CUBN: variants seen among roughly 807,000 people sequenced by gnomAD.
The protein encoded by CUBN is cubilin, also known as 460 kDa receptor.
Under a neutral mutation model 405.3 loss-of-function variants are expected in CUBN, and 282 were observed. The ratio of observed to expected loss-of-function variants is 0.70; its 90% CI spans 0.63 to 0.77. The LOEUF (loss-of-function observed/expected upper bound fraction) is 0.77, where lower values mean the gene tolerates loss of function less well. CUBN is among the 30% of genes least tolerant of loss of function. The probability of loss-of-function intolerance (pLI) is 0.00; values close to 1 mark genes in which losing one functional copy is unlikely to be tolerated. For synonymous variants in CUBN, 1,684 were observed against 1,617.0 expected, an observed-to-expected ratio of 1.04 and a Z score of -0.99; for missense variants, 4,514 against 4,475.2, an observed-to-expected ratio of 1.01 and a Z score of -0.25.
intron 29 of CUBN, among the ~76,000 whole-genome samples, chr10:16,985,807 A>G (rs1231229686): frequency 6.6e-6 from 1 of 152,212 alleles, no homozygotes; most frequent in Admixed American, 6.5e-5. Context: ...TTCTAGATCT[A>G]TCACACATGA....
chr10:16,896,192 A>G (rs1179676599), intron 54 of CUBN, among the ~76,000 whole-genome samples: 1 of 152,198 alleles, frequency 6.6e-6, no homozygotes, highest in African/African-American at 2.4e-5. Flanking sequence ...GTTTTATTAA[A>G]TATGATTCAC....
intron 54 of CUBN, among the ~76,000 whole-genome samples, chr10:16,895,253 G>C (rs1223603077): frequency 6.6e-6 from 1 of 151,986 alleles, no homozygotes; most frequent in African/African-American, 2.4e-5. Flanking sequence ...CTCAGGATAT[G>C]ATCTACCTTG....
At chr10:17,090,097 A>G (rs1453472150) in intron 14 of CUBN, among the ~76,000 whole-genome samples, 1 of 152,118 alleles carries the variant, frequency 6.6e-6, no homozygotes, top group Non-Finnish European at 1.5e-5. Context: ...ATAAAAAACA[A>G]AAGACTAAAA....
chr10:16,840,509 T>A lies in CUBN; in HGVS notation c.9853A>T (p.Thr3285Ser). Residue 3285 changes from threonine to serine, a missense_variant, in exon 62 of 67, where the codon ACT becomes TCT. By Grantham distance (58) the Thr-to-Ser change is moderately conservative. This residue lies in a region of CUBN where 1,186 missense variants were observed against 1,186.9 expected (regional missense o/e 1.00). Transcript: ENST00000377833. ...GATGAAATATTTTGTGGGGTCCAAGTTGCATTGTATGTTCCACCACAAGGC... is the reference window on the plus strand; with the variant it reads ...GATGAAATATTTTGTGGGGTCCAAGATGCATTGTATGTTCCACCACAAGGC... Reference protein sequence around the residue: ...DMPCGGTYNATWTPQNISSPN... With the variant: ...DMPCGGTYNASWTPQNISSPN... 10 of 1,608,428 alleles carry A rather than the reference T, an allele frequency of 6.2e-6. No individual in the cohort carries two copies. Among genetic ancestry groups the A allele is most frequent in the Non-Finnish European group, 8.5e-6 (10 of 1,176,956 alleles).
chr10:17,059,237 A>AT (rs1256748225), intron 22 of CUBN, among the ~76,000 whole-genome samples: 3 of 152,106 alleles, frequency 2.0e-5, no homozygotes, highest in Non-Finnish European at 4.4e-5. Flanking sequence ...TTCACTAAAC[A>AT]TTTTCAAATA....
At position 16,907,649 on chromosome 10, in the gene CUBN, G is replaced by A. The variant is rs368507887; in HGVS notation, c.7564C>T (p.Gln2522Ter). 1 of 1,612,226 alleles carries A rather than the reference G, an allele frequency of 6.2e-7. No individual in the cohort carries two copies. Among genetic ancestry groups the A allele is most frequent in the Non-Finnish European group, 8.5e-7 (1 of 1,179,962 alleles). The stretch of plus-strand genomic sequence containing the variant: ...ACACTACTACACAGTTTCTCTAGCT[G>A]GGGTGAGTTACTTCTAATGCCATTG... Reference protein sequence around the residue: ...VFNGIRSNSPQLEKLCSSVNV... With the variant: ...VFNGIRSNSP The change falls in exon 49 of 67, where the codon CAG becomes TAG. Residue 2522 changes from glutamine (Q) to a stop codon, truncating the protein, a stop_gained. Transcript: ENST00000377833. LOFTEE classifies it high-confidence loss of function.
rs142159836 is a variant in CUBN, at chr10:17,123,686, C to T, written c.391G>A (p.Val131Ile). Residue 131 changes from valine (V) to isoleucine (I), a missense_variant, in exon 5 of 67, where the codon GTT becomes ATT. Val to Ile is a conservative substitution (Grantham distance 29). Transcript: ENST00000377833. ...ERKFQGLQQT[V>I]DKKVCSSNPC... ...TTGCTGCTGCAAACCTTTTTGTCAA[C>T]AGTCTGAAACAAAAACAGGACAGTC... is the stretch of plus-strand genomic sequence containing the variant. 6.2e-7 allele frequency: 1 copy of T among 1,612,196 alleles called. No individual in the cohort carries two copies.
At chr10:16,914,689 T>G (rs1841832804) in intron 47 of CUBN, among the ~76,000 whole-genome samples, 1 of 150,602 alleles carries the variant, frequency 6.6e-6, no homozygotes, top group Non-Finnish European at 1.5e-5. Context: ...AATCAGAAAG[T>G]TAATGTTAAG....
At position 17,013,735 on chromosome 10, in the gene CUBN, C is replaced by T. The variant is rs557309945; in HGVS notation, c.4168+6098G>A. ...TTTTCCCTTTCCCAGTTCTAAGGCT[C>T]GAGTAAGTGCCACTAGTTCTGCTAA... is the stretch of plus-strand genomic sequence containing the variant. On this transcript the variant is annotated intron_variant, in intron 28 of 66. Coordinates refer to ENST00000377833, the MANE Select transcript of CUBN (RefSeq NM_001081.4). Among the ~76,000 whole-genome samples the T allele has an allele frequency of 5.9e-5, 9 of 152,274 alleles. No individual in the cohort carries two copies. The East Asian group carries it at 1.2e-3, about 20-fold the overall frequency.
At chr10:17,031,721 T>C (rs1024050674) in intron 27 of CUBN, among the ~76,000 whole-genome samples, 1 of 152,132 alleles carries the variant, frequency 6.6e-6, no homozygotes, top group Non-Finnish European at 1.5e-5. Context: ...TCTAGAACAA[T>C]AGAAAGCACA....
Position 16,851,420 on chromosome 10 carries a change from A to G in CUBN, c.9478T>C (p.Tyr3160His). Residue 3160 changes from tyrosine (Y) to histidine (H), a missense_variant, in exon 60 of 67, where the codon TAT becomes CAT. By Grantham distance (83) the Tyr-to-His change is moderately conservative. This residue lies in a region of CUBN where 1,186 missense variants were observed against 1,186.9 expected (regional missense o/e 1.00). Coordinates refer to ENST00000377833, the MANE Select transcript of CUBN (RefSeq NM_001081.4). ...AAGGTATTATTCGAGCCTGTCAGAT[A>G]ACCACCACATCCTTGCTGAGGCCCT... ...TLGPQQGCGG[Y>H]LTGSNNTFAS... 6.2e-7 allele frequency: 1 copy of G among 1,614,170 alleles called. No individual in the cohort carries two copies.
At chr10:16,855,012 CTCTT>C (rs1165884280) in intron 59 of CUBN, among the ~76,000 whole-genome samples, 53 of 138,138 alleles carry the variant, frequency 3.8e-4, no homozygotes, top group African/African-American at 1.4e-3. Flanking sequence ...TTCTCTCTCT[CTCTT>C]TCTCTCTCTC....
At chr10:16,938,102 AACAGT>A (rs1411862691) in intron 38 of CUBN, among the ~76,000 whole-genome samples, 3 of 152,158 alleles carry the variant, frequency 2.0e-5, no homozygotes, top group Non-Finnish European at 4.4e-5. Context: ...GTTGCCTACC[AACAGT>A]ACTTAATAAA....
chr10:16,866,902 G>A (rs1840202146), intron 59 of CUBN, among the ~76,000 whole-genome samples: 1 of 152,196 alleles, frequency 6.6e-6, no homozygotes, highest in Non-Finnish European at 1.5e-5. Flanking sequence ...ACTAGGGATA[G>A]TTCCCCCAAA....
rs538223918 is a variant in CUBN at position 16,972,907 on chromosome 10, A to C, written c.4695+9577T>G. Among the ~76,000 whole-genome samples, 168 of 152,010 alleles carry C rather than the reference A, an allele frequency of 1.1e-3. 1 individual carries two copies. Among genetic ancestry groups the C allele is most frequent in the African/African-American group, 3.8e-3 (157 of 41,472 alleles). On this transcript the variant is annotated intron_variant, in intron 31 of 66. Transcript: ENST00000377833. The stretch of plus-strand genomic sequence containing the variant: ...TATGAGACCTTATCACCTCTGATCC[A>C]AGCTTTTTCCATTGCTTCCCAAACA...
chr10:16,919,814 T>C, intron 44 of CUBN, 149 bp downstream of exon 44: 1 of 868,664 alleles, frequency 1.2e-6, no homozygotes, highest in Non-Finnish European at 1.9e-6. Flanking sequence ...TGGCCGACTG[T>C]GTTTTCAGGC....
chr10:16,847,120 A>C (rs1403042070), intron 60 of CUBN, among the ~76,000 whole-genome samples: 6 of 152,058 alleles, frequency 3.9e-5, no homozygotes, highest in Admixed American at 6.5e-5. Context: ...TTGTCATGTT[A>C]TGCAACACGT....
Position 17,100,207 on chromosome 10 carries a change from T to C in CUBN, c.1563A>G (p.Leu521=). The C allele has an allele frequency of 1.2e-6, 2 of 1,613,840 alleles. No individual in the cohort carries two copies. Among genetic ancestry groups the C allele is most frequent in the Non-Finnish European group, 1.7e-6 (2 of 1,179,752 alleles). ...CGTGTGGACAGTTGTCCATGGATTC[T>C]AACCGGAAAAAAGTGAAAGTGATAC... is the stretch of plus-strand genomic sequence containing the variant. ...VLRITFTFFR[L]ESMDNCPHEF... is the part of the protein sequence containing the mutation. Residue 521 remains leucine (L), a synonymous_variant, in exon 14 of 67, where the codon TTA becomes TTG. Transcript: ENST00000377833.
At chr10:16,859,632 C>T (rs1839960719) in intron 59 of CUBN, among the ~76,000 whole-genome samples, 1 of 152,002 alleles carries the variant, frequency 6.6e-6, no homozygotes, top group African/African-American at 2.4e-5. Context: ...GAGCAAGAAT[C>T]CCACAGAATT....
Sources: gnomAD v4.1 joint callset for allele counts (sites outside exome capture counted in the v4.1 genomes callset) on GRCh38, gnomAD v4.1.1 for gene constraint, gnomAD v4.1.1 regional missense constraint, MANE v1.5 for transcripts, NCBI Gene and HGNC (gene_info 2026-07-23, HGNC 2026-07-21) for gene names.